Variants in GRB2 observed in about 807,000 individuals in gnomAD.
GRB2 encodes the protein growth factor receptor-bound protein 2.
GRB2 carries 2 observed loss-of-function variants against 27.4 expected under a neutral mutation model. The observed-to-expected ratio is 0.07, with a 90% CI of 0.03 to 0.23. The LOEUF (loss-of-function observed/expected upper bound fraction) is 0.23. Ranked by LOEUF, GRB2 falls within the 10% of genes least tolerant of loss-of-function variation. The pLI, the probability that GRB2 is intolerant of heterozygous loss-of-function variation, is 1.00. For missense variants in GRB2, 102 were observed against 282.4 expected (o/e 0.36, Z 4.58); for synonymous variants, 94 against 99.6 (o/e 0.94, Z 0.33).
intron 2 of GRB2, among the ~76,000 whole-genome samples, chr17:75,338,354 C>T (rs568913569): frequency 2.6e-5 from 4 of 152,258 alleles, no homozygotes; most frequent in East Asian, 3.9e-4. Flanking sequence ...CATGAGCCAC[C>T]GTGCCCGGCC....
chr17:75,341,632 C>T (rs1281918525), intron 2 of GRB2, among the ~76,000 whole-genome samples: 1 of 151,898 alleles, frequency 6.6e-6, no homozygotes, highest in South Asian at 2.1e-4. Context: ...ACAAAGTCCC[C>T]AAACTCCAAC....
chr17:75,370,987 T>G (rs1236080255), intron 2 of GRB2: 1 of 152,120 alleles, frequency 6.6e-6, no homozygotes, highest in Non-Finnish European at 1.5e-5. Context: ...AGTGGAAACT[T>G]GGAATGTTTA....
At chr17:75,392,772 G>C (rs1484377770) in intron 2 of GRB2, among the ~76,000 whole-genome samples, 9 of 152,176 alleles carry the variant, frequency 5.9e-5, no homozygotes, top group Non-Finnish European at 1.0e-4. Context: ...AGAGCAAACT[G>C]CTACAGTCAA....
intron 5 of GRB2, among the ~76,000 whole-genome samples, chr17:75,321,395 T>G (rs1426895321): frequency 6.6e-6 from 1 of 152,062 alleles, no homozygotes; most frequent in Non-Finnish European, 1.5e-5. Flanking sequence ...CAGGCTAGTC[T>G]CAAACACCTG....
chr17:75,389,182 T>C (rs192854745), intron 2 of GRB2, among the ~76,000 whole-genome samples: 8 of 152,266 alleles, frequency 5.3e-5, no homozygotes, highest in Non-Finnish European at 1.2e-4. Flanking sequence ...TCGCTCCAAC[T>C]CTACCTTATT....
intron 2 of GRB2, among the ~76,000 whole-genome samples, chr17:75,379,798 T>C (rs569726050): frequency 6.6e-6 from 1 of 152,316 alleles, no homozygotes; most frequent in South Asian, 2.1e-4. Context: ...TAAAAGTTGA[T>C]ACATAATAAA....
chr17:75,364,888 G>GA (rs1370526129), intron 2 of GRB2, among the ~76,000 whole-genome samples: 4 of 151,586 alleles, frequency 2.6e-5, no homozygotes, highest in Non-Finnish European at 5.9e-5. Context: ...GTCCATTTAG[G>GA]AAAAAAATCT....
intron 2 of GRB2, among the ~76,000 whole-genome samples, chr17:75,364,655 C>T (rs368371461): frequency 3.3e-5 from 5 of 152,028 alleles, no homozygotes; most frequent in African/African-American, 9.7e-5. Context: ...CTGACCAGTA[C>T]GTCCTGTAAT....
intron 2 of GRB2, among the ~76,000 whole-genome samples, chr17:75,340,588 A>C (rs2078614088): frequency 6.6e-6 from 1 of 152,240 alleles, no homozygotes; most frequent in South Asian, 2.1e-4. Flanking sequence ...TGGCTAGGGT[A>C]ACAGTAATGG....
chr17:75,321,559 C>T (rs561641950), intron 5 of GRB2, 100 bp downstream of exon 5: 25 of 1,057,430 alleles, frequency 2.4e-5, no homozygotes, highest in Admixed American at 1.1e-4. Flanking sequence ...CCCTGAAGGG[C>T]GCCCGCATGT....
chr17:75,376,520 CAAAA>C (rs1001049290), intron 2 of GRB2, among the ~76,000 whole-genome samples: 1 of 124,526 alleles, frequency 8.0e-6, no homozygotes, highest in African/African-American at 3.4e-5. Context: ...GACTCTGTTT[CAAAA>C]AAAAAAAAAA....
intron 4 of GRB2, among the ~76,000 whole-genome samples, chr17:75,324,495 C>CCACCGCA (rs955208644): frequency 7.1e-6 from 1 of 141,272 alleles, no homozygotes; most frequent in African/African-American, 2.7e-5. Flanking sequence ...CAGGTGTGAG[C>CCACCGCA]CACCGCACCC....
chr17:75,357,877 C>T (rs55830221), intron 2 of GRB2, among the ~76,000 whole-genome samples: 31,731 of 151,834 alleles, frequency 0.21, 5,027 homozygotes, highest in African/African-American at 0.45. Flanking sequence ...GCCAAGATCG[C>T]GCCACTGCAC....
Position 75,364,785 on chromosome 17 carries a change from T to G in GRB2, c.78+28766A>C, listed in dbSNP as rs372305236. On this transcript the variant is annotated intron_variant, in intron 2 of 5. Transcript: ENST00000316804. ...TCAGAATAACAGGATTACTCTAAAC[T>G]GCTTCACAGACAAGTATCTAGTACC... Among the ~76,000 whole-genome samples the G allele has an allele frequency of 2.0e-5, 3 of 152,038 alleles. No homozygotes were observed. In the East Asian group the frequency reaches 5.8e-4, roughly 29 times the overall value.
At chr17:75,326,963 C>T (rs986444144) in intron 3 of GRB2, among the ~76,000 whole-genome samples, 3 of 152,026 alleles carry the variant, frequency 2.0e-5, no homozygotes, top group African/African-American at 7.3e-5. Context: ...AAATAAAGAC[C>T]TATAAACATG....
Position 75,333,885 on chromosome 17 carries a change from G to A in GRB2, c.79-1088C>T, listed in dbSNP as rs184255499. Among the ~76,000 whole-genome samples the A allele has an allele frequency of 2.6e-5, 4 of 152,294 alleles. No homozygotes were observed. The East Asian group carries it at 5.8e-4, about 22-fold the overall frequency. On this transcript the variant is annotated intron_variant, in intron 2 of 5. Transcript: ENST00000316804. ...AAAACAAGATCAATGGTCAACCCAGGTTACGAGGTAGTGACCCCACAGAGC... is the reference window on the plus strand; with the variant it reads ...AAAACAAGATCAATGGTCAACCCAGATTACGAGGTAGTGACCCCACAGAGC...
In GRB2 at chr17:75,336,750, G is replaced by T. The variant is rs552645111; in HGVS notation, c.79-3953C>A. On this transcript the variant is annotated intron_variant, in intron 2 of 5. Transcript: ENST00000316804. ...TTTTAAAAATGTAATTTTTTTTTTT[G>T]AGAGAGTCTTGCTCTGTTGCTCTGT... is the stretch of plus-strand genomic sequence containing the variant. 1.9e-4 allele frequency among the ~76,000 whole-genome samples: 29 copies of T among 150,576 alleles called. 1 individual carries two copies. The highest frequency in any genetic ancestry group is 6.8e-3 in the Middle Eastern group (2 of 292).
chr17:75,352,847 C>T (rs2078700883), intron 2 of GRB2, among the ~76,000 whole-genome samples: 1 of 151,698 alleles, frequency 6.6e-6, no homozygotes, highest in Admixed American at 6.6e-5. Context: ...GCTCACAAGA[C>T]CGTTCTCTGG....
intron 2 of GRB2, among the ~76,000 whole-genome samples, chr17:75,354,952 C>A (rs2078721791): frequency 6.6e-6 from 1 of 152,264 alleles, no homozygotes; most frequent in Admixed American, 6.5e-5. Context: ...GGATTACAGG[C>A]ACATGCCAAC....
Sources: allele counts gnomAD v4.1 joint callset (sites outside exome capture counted in the v4.1 genomes callset), GRCh38; gene constraint gnomAD v4.1.1; transcripts MANE v1.5; gene names NCBI Gene and HGNC (gene_info 2026-07-23, HGNC 2026-07-21).